The following EPB41L3 variants were observed in gnomAD, a reference collection of about 807,000 sequenced individuals.
EPB41L3 encodes the protein band 4.1-like protein 3.
Under a neutral mutation model 127.1 loss-of-function variants are expected in EPB41L3, and 57 were observed. That is an observed-to-expected ratio of 0.45 (90% confidence interval 0.36 to 0.56). EPB41L3 has a LOEUF of 0.56. EPB41L3 is among the 20% of genes least tolerant of loss of function. The pLI, the probability that EPB41L3 is intolerant of heterozygous loss-of-function variation, is 0.00. For missense variants in EPB41L3, 1,273 were observed against 1,372.2 expected (o/e 0.93, Z 1.14); for synonymous variants, 572 against 549.5 (o/e 1.04, Z -0.57).
chr18:5,550,965 A>G (rs766540904), intron 3 of EPB41L3, among the ~76,000 whole-genome samples: 66 of 152,164 alleles, frequency 4.3e-4, no homozygotes, highest in Non-Finnish European at 7.3e-4. Context: ...GTCTTCTCAG[A>G]TCCATCAACT....
intron 3 of EPB41L3, among the ~76,000 whole-genome samples, chr18:5,571,198 G>A (rs1319299354): frequency 1.3e-5 from 2 of 152,120 alleles, no homozygotes; most frequent in Non-Finnish European, 2.9e-5. Context: ...ACAAATATTG[G>A]CTCTAAATAA....
At chr18:5,585,397 G>A in intron 3 of EPB41L3, among the ~76,000 whole-genome samples, 1 of 152,026 alleles carries the variant, frequency 6.6e-6, no homozygotes, top group African/African-American at 2.4e-5. Flanking sequence ...TCTGACTCCT[G>A]GGTTCAGGCA....
At chr18:5,538,190 T>C (rs2093625547) in intron 1 of EPB41L3, among the ~76,000 whole-genome samples, 2 of 152,214 alleles carry the variant, frequency 1.3e-5, no homozygotes, top group South Asian at 4.1e-4. Context: ...CAAAAATTCT[T>C]ACATATTCAG....
At position 5,466,706 on chromosome 18, in the gene EPB41L3, G is replaced by C. The variant is rs1599334269; in HGVS notation, c.381+11535C>G. Among the ~76,000 whole-genome samples, 4 of 152,278 alleles carry C rather than the reference G, an allele frequency of 2.6e-5. No homozygotes were observed. In the South Asian group the frequency reaches 8.3e-4, roughly 32 times the overall value. Reference sequence around the variant, plus strand: ...TCAGAATATGGAGACAAAGTTAAAAGACATCCTCCTTTGAAATGGAAGTTA... The same window carrying C: ...TCAGAATATGGAGACAAAGTTAAAACACATCCTCCTTTGAAATGGAAGTTA... On this transcript the variant is annotated intron_variant, in intron 3 of 22. Coordinates refer to ENST00000341928, the MANE Select transcript of EPB41L3 (RefSeq NM_012307.5).
intron 2 of EPB41L3, among the ~76,000 whole-genome samples, chr18:5,481,251 A>G (rs573425719): frequency 1.3e-4 from 20 of 152,318 alleles, no homozygotes; most frequent in South Asian, 2.1e-4. Flanking sequence ...CCATCCCTCC[A>G]CAGAAAACCT....
In EPB41L3 at chr18:5,489,251, A is replaced by C; in HGVS notation, c.-11-57T>G. ...CTCCGTGCCACTACCTTCCCTCTGC[A>C]AGAAAACTAGGATGCTCACCGTGAA... On this transcript the variant is annotated intron_variant, in intron 1 of 22. Transcript: ENST00000341928. The C allele has an allele frequency of 3.9e-6, 6 of 1,539,774 alleles. No individual in the cohort carries two copies. In the South Asian group the frequency reaches 7.3e-5, roughly 19 times the overall value.
At chr18:5,516,842 C>T (rs2092771613) in intron 1 of EPB41L3, among the ~76,000 whole-genome samples, 1 of 152,178 alleles carries the variant, frequency 6.6e-6, no homozygotes, top group African/African-American at 2.4e-5. Context: ...CTCAATTTGC[C>T]AGTTAATTAT....
chr18:5,540,758 G>A (rs188898419), intron 1 of EPB41L3, among the ~76,000 whole-genome samples: 124 of 152,250 alleles, frequency 8.1e-4, no homozygotes, highest in African/African-American at 2.8e-3. Context: ...GGGAGACTAT[G>A]GGAATTAAAG....
chr18:5,463,621 G>A (rs375670189), intron 3 of EPB41L3: 76 of 152,410 alleles, frequency 5.0e-4, no homozygotes, highest in African/African-American at 1.8e-3. Flanking sequence ...GCTGAGAGCG[G>A]TTCCTGGACA....
chr18:5,592,809 G>A (rs2094497954), intron 3 of EPB41L3, among the ~76,000 whole-genome samples: 1 of 152,182 alleles, frequency 6.6e-6, no homozygotes, highest in South Asian at 2.1e-4. Flanking sequence ...AGGGACCTGT[G>A]GGGGCCTGGA....
At chr18:5,522,091 GTTATTTATTTAT>G (rs149542636) in intron 1 of EPB41L3, among the ~76,000 whole-genome samples, 10 of 151,708 alleles carry the variant, frequency 6.6e-5, no homozygotes, top group South Asian at 6.3e-4. Flanking sequence ...ATGCCAAATC[GTTATTTATTTAT>G]TTATTTATTT....
At chr18:5,544,382 GTTAT>G, upstream of EPB41L3, 1 of 923,528 alleles carries the variant, frequency 1.1e-6, no homozygotes, top group African/African-American at 1.8e-5. Flanking sequence ...CTTCAGGTGA[GTTAT>G]TTATTGGCTA....
chr18:5,520,180 C>T lies in EPB41L3; in HGVS notation c.-12+23733G>A, dbSNP rs368084508. ...ATAATCAAGGCCAAATAAACTAGGTCACCAGATTTATTTCTGAGCTGTATA... is the reference window on the plus strand; with the variant it reads ...ATAATCAAGGCCAAATAAACTAGGTTACCAGATTTATTTCTGAGCTGTATA... On this transcript the variant is annotated intron_variant, in intron 1 of 22. Coordinates refer to ENST00000341928, the MANE Select transcript of EPB41L3 (RefSeq NM_012307.5). Among the ~76,000 whole-genome samples the T allele has an allele frequency of 3.3e-5, 5 of 152,228 alleles. No individual in the cohort carries two copies. In the East Asian group the frequency reaches 9.7e-4, roughly 29 times the overall value.
At chr18:5,602,047 T>C (rs1174636717) in intron 3 of EPB41L3, among the ~76,000 whole-genome samples, 1 of 152,160 alleles carries the variant, frequency 6.6e-6, no homozygotes, top group Non-Finnish European at 1.5e-5. Flanking sequence ...AAACAAATTA[T>C]GTTAAGTAGG....
At chr18:5,446,557 A>G (rs2081507230) in intron 3 of EPB41L3, among the ~76,000 whole-genome samples, 1 of 152,264 alleles carries the variant, frequency 6.6e-6, no homozygotes, top group South Asian at 2.1e-4. Context: ...AATGAGAAAT[A>G]TGAAAATTGA....
intron 3 of EPB41L3, among the ~76,000 whole-genome samples, chr18:5,606,875 G>A (rs2094659536): frequency 7.1e-6 from 1 of 140,972 alleles, no homozygotes; most frequent in Non-Finnish European, 1.5e-5. Flanking sequence ...TGCCCACCAT[G>A]GCGTCATTCT....
chr18:5,403,073 G>C (rs2074771028), intron 16 of EPB41L3, among the ~76,000 whole-genome samples: 1 of 152,162 alleles, frequency 6.6e-6, no homozygotes, highest in Non-Finnish European at 1.5e-5. Context: ...TGGTATTCAA[G>C]TAACCACTAA....
intron 1 of EPB41L3, among the ~76,000 whole-genome samples, chr18:5,494,477 G>C (rs532436636): frequency 6.6e-6 from 1 of 152,256 alleles, no homozygotes; most frequent in East Asian, 1.9e-4. Flanking sequence ...GGCCAACATG[G>C]CGAAACCCCA....
At chr18:5,480,076 T>C (rs2147969162) in intron 2 of EPB41L3, 1 of 152,212 alleles carries the variant, frequency 6.6e-6, no homozygotes, top group South Asian at 2.1e-4. Flanking sequence ...TTACCTGAAA[T>C]CAACATTTTC....
Sources: allele counts gnomAD v4.1 joint callset (sites outside exome capture counted in the v4.1 genomes callset), GRCh38; gene constraint gnomAD v4.1.1; transcripts MANE v1.5; gene names NCBI Gene and HGNC (gene_info 2026-07-23, HGNC 2026-07-21).